Variants in ADAMTS16 observed in about 807,000 individuals in gnomAD.
ADAMTS16 encodes the protein A disintegrin and metalloproteinase with thrombospondin motifs 16.
ADAMTS16 carries 94 observed loss-of-function variants against 145.8 expected under a neutral mutation model. The observed-to-expected ratio is 0.64, with a 90% CI of 0.55 to 0.77. ADAMTS16 has a LOEUF of 0.77. ADAMTS16 is among the 30% of genes least tolerant of loss of function. The pLI, the probability that ADAMTS16 is intolerant of heterozygous loss-of-function variation, is 0.00. For synonymous variants in ADAMTS16, 659 were observed against 604.3 expected, an observed-to-expected ratio of 1.09 and a Z score of -1.33; for missense variants, 1,585 against 1,591.5, an observed-to-expected ratio of 1.00 and a Z score of 0.07.
chr5:5,190,366 C>A (rs1735631129), intron 7 of ADAMTS16, among the ~76,000 whole-genome samples: 1 of 152,112 alleles, frequency 6.6e-6, no homozygotes, highest in Admixed American at 6.5e-5. Flanking sequence ...GTTCCTATCT[C>A]TTCTAACAAA....
At position 5,187,402 on chromosome 5, in the gene ADAMTS16, G is replaced by A. The variant is rs960162831; in HGVS notation, c.964-323G>A. Among the ~76,000 whole-genome samples the A allele has an allele frequency of 5.3e-5, 8 of 151,964 alleles. No individual in the cohort carries two copies. The South Asian group carries it at 1.0e-3, about 20-fold the overall frequency. ...TTCTCTTGCACTTATGGAATTCCTT[G>A]CCAGGAGAGCTTGAGAAGTGATTGG... On this transcript the variant is annotated intron_variant, in intron 5 of 22. Transcript: ENST00000274181.
chr5:5,144,860 C>T (rs1734252395), intron 2 of ADAMTS16, among the ~76,000 whole-genome samples: 1 of 152,210 alleles, frequency 6.6e-6, no homozygotes, highest in South Asian at 2.1e-4. Context: ...GAGTTACAGG[C>T]TCTGTCTTTG....
chr5:5,224,396 TCTC>T (rs1487253012), intron 11 of ADAMTS16, among the ~76,000 whole-genome samples: 22 of 152,100 alleles, frequency 1.4e-4, no homozygotes, highest in African/African-American at 5.3e-4. Flanking sequence ...TTCAAGCAAT[TCTC>T]CTGCCTCAGC....
rs914598815 is a variant in ADAMTS16, at chr5:5,140,357, T to A, written c.-111T>A. 88 of 1,093,364 alleles carry A rather than the reference T, an allele frequency of 8.0e-5. No homozygotes were observed. The African/African-American group carries it at 1.3e-3, about 16-fold the overall frequency. The allele number at this position is 1,093,364 out of a possible 1,614,324, so 67.7% of individuals were successfully genotyped here. On this transcript the variant is annotated 5_prime_UTR_variant, in exon 1 of 23. Coordinates refer to ENST00000274181, the MANE Select transcript of ADAMTS16 (RefSeq NM_139056.4). ...TAATAACCCCGGCGCGGCGGCGGAG[T>A]CGCTGTGGGGAATCCTCCCGCGCTC...
At chr5:5,274,406 T>C (rs370170174) in intron 18 of ADAMTS16, among the ~76,000 whole-genome samples, 1 of 152,210 alleles carries the variant, frequency 6.6e-6, no homozygotes, top group Admixed American at 6.5e-5. Flanking sequence ...CCCTATTTAC[T>C]GTCTCCACAG....
intron 4 of ADAMTS16, 62 bp downstream of exon 4, chr5:5,182,367 A>C (rs1296770474): frequency 6.4e-7 from 1 of 1,553,806 alleles, no homozygotes; most frequent in East Asian, 2.3e-5. Flanking sequence ...AGCTGATGGA[A>C]GCTTGTACAT....
chr5:5,149,837 AT>A (rs1320380048), intron 3 of ADAMTS16, among the ~76,000 whole-genome samples: 1 of 152,230 alleles, frequency 6.6e-6, no homozygotes, highest in African/African-American at 2.4e-5. Flanking sequence ...TTCACTTAGC[AT>A]AATGTGTTCA....
chr5:5,252,621 G>A (rs1334972663), intron 17 of ADAMTS16, among the ~76,000 whole-genome samples: 2 of 152,124 alleles, frequency 1.3e-5, no homozygotes, highest in African/African-American at 4.8e-5. Context: ...AACAATTTCT[G>A]TTAACAGAAT....
intron 18 of ADAMTS16, among the ~76,000 whole-genome samples, chr5:5,283,288 A>T (rs1287358252): frequency 1.3e-5 from 2 of 152,202 alleles, no homozygotes; most frequent in Admixed American, 1.3e-4. Flanking sequence ...TTATCTGATT[A>T]TGGAAACATT....
chr5:5,162,603 T>C (rs1055596253), intron 3 of ADAMTS16, among the ~76,000 whole-genome samples: 1 of 152,222 alleles, frequency 6.6e-6, no homozygotes, highest in Non-Finnish European at 1.5e-5. Context: ...CAATTCTGTA[T>C]GACCTTGCTG....
chr5:5,301,477 A>G (rs1739766127), intron 18 of ADAMTS16, among the ~76,000 whole-genome samples: 1 of 152,240 alleles, frequency 6.6e-6, no homozygotes, highest in Non-Finnish European at 1.5e-5. Context: ...AAGCACTGGA[A>G]GCAACAGTCG....
chr5:5,292,353 C>T (rs10056540), intron 18 of ADAMTS16, among the ~76,000 whole-genome samples: 20,933 of 151,670 alleles, frequency 0.14, 1,558 homozygotes, highest in African/African-American at 0.19. Context: ...AAAAATTAGC[C>T]GGGCATGGAG....
intron 21 of ADAMTS16, among the ~76,000 whole-genome samples, chr5:5,315,079 G>A (rs1350323998): frequency 1.3e-5 from 2 of 152,158 alleles, no homozygotes; most frequent in Non-Finnish European, 2.9e-5. Context: ...GGACTGGAGA[G>A]GCCTCAGGAA....
Position 5,242,147 on chromosome 5 carries a change from C to G in ADAMTS16, c.2618C>G (p.Thr873Ser), listed in dbSNP as rs756561573. The G allele has an allele frequency of 6.2e-7, 1 of 1,614,200 alleles. No homozygotes were observed. The highest frequency in any genetic ancestry group is 8.5e-7 in the Non-Finnish European group (1 of 1,180,040). ...EKQPPAQPSYTWAIVRSECSV... is the reference protein window; with the variant it reads ...EKQPPAQPSYSWAIVRSECSV... ...CAGCCCCCTGCCCAGCCCAGCTACACTTGGGCCATCGTGCGCTCTGAGTGC... is the reference window on the plus strand; with the variant it reads ...CAGCCCCCTGCCCAGCCCAGCTACAGTTGGGCCATCGTGCGCTCTGAGTGC... Residue 873 changes from threonine to serine, a missense_variant, in exon 17 of 23, where the codon ACT (threonine) becomes AGT (serine). Transcript: ENST00000274181.
At chr5:5,315,043 A>G (rs1733989573) in intron 21 of ADAMTS16, among the ~76,000 whole-genome samples, 1 of 152,226 alleles carries the variant, frequency 6.6e-6, no homozygotes, top group Non-Finnish European at 1.5e-5. Context: ...TAAAAGAAAG[A>G]GGTTTAATTG....
In ADAMTS16 at chr5:5,191,805, A is replaced by C. The variant is rs769671225; in HGVS notation, c.1313+15A>C. On this transcript the variant is annotated intron_variant, in intron 8 of 22. Coordinates refer to ENST00000274181, the MANE Select transcript of ADAMTS16 (RefSeq NM_139056.4). The stretch of plus-strand genomic sequence containing the variant: ...TCTGGACACAAGTAAGTGCATCTCC[A>C]TGGGAGGATGGCATCCCGAGTTTTT... 401 of 1,564,306 alleles carry C rather than the reference A, an allele frequency of 2.6e-4. No homozygotes were observed. Among genetic ancestry groups the C allele is most frequent in the Non-Finnish European group, 3.2e-4 (366 of 1,145,242 alleles).
chr5:5,235,595 T>C (rs1252898067), intron 13 of ADAMTS16, among the ~76,000 whole-genome samples: 1 of 152,234 alleles, frequency 6.6e-6, no homozygotes, highest in Non-Finnish European at 1.5e-5. Context: ...CAGTATATTT[T>C]AGAAAATGGA....
chr5:5,267,026 A>G (rs767225456), intron 18 of ADAMTS16, among the ~76,000 whole-genome samples: 6 of 152,170 alleles, frequency 3.9e-5, no homozygotes, highest in Non-Finnish European at 7.3e-5. Context: ...CAGAATTTTC[A>G]TACTAAATAT....
rs1198385354 is a variant in ADAMTS16, at chr5:5,168,685, TA to T, written c.502-13357del. 3.3e-4 allele frequency among the ~76,000 whole-genome samples: 6 copies of T among 18,070 alleles called. No homozygotes were observed. In the Admixed American group the frequency reaches 3.5e-3, roughly 11 times the overall value. The allele number at this position is 18,070 out of a possible 152,430, so 11.9% of individuals were successfully genotyped here. A position where few individuals can be genotyped will look rare whatever the true frequency, so the allele number is the denominator to read the frequency against. On this transcript the variant is annotated intron_variant, in intron 3 of 22. Coordinates refer to ENST00000274181, the MANE Select transcript of ADAMTS16 (RefSeq NM_139056.4). ...TATTTATATAATAATTATAATTATATAATTATATAAATATAATATATAATAA... is the reference window on the plus strand; with the variant it reads ...TATTTATATAATAATTATAATTATATATTATATAAATATAATATATAATAA...
Sources: allele counts gnomAD v4.1 joint callset (sites outside exome capture counted in the v4.1 genomes callset), GRCh38; gene constraint gnomAD v4.1.1; transcripts MANE v1.5; gene names NCBI Gene and HGNC (gene_info 2026-07-23, HGNC 2026-07-21).